TNFRSF19: variants seen among roughly 807,000 people sequenced by gnomAD.
TNFRSF19 encodes TNF receptor superfamily member 19.
A neutral mutation model predicts 46.4 loss-of-function variants in TNFRSF19; 27 were observed. The observed-to-expected ratio is 0.58, with a 90% CI of 0.43 to 0.80. The LOEUF is 0.80. TNFRSF19 is among the 30% of genes least tolerant of loss of function. TNFRSF19 has a pLI of 0.00. For synonymous variants in TNFRSF19, 204 were observed against 205.0 expected, an observed-to-expected ratio of 1.00 and a Z score of 0.04; for missense variants, 511 against 530.8, an observed-to-expected ratio of 0.96 and a Z score of 0.37.
rs1666258146 is a variant in TNFRSF19, at chr13:23,659,589, C to G, written c.610+375C>G. Among the ~76,000 whole-genome samples the G allele has an allele frequency of 6.6e-6, 1 of 152,164 alleles. No individual in the cohort carries two copies. The highest frequency in any genetic ancestry group is 1.5e-5 in the Non-Finnish European group (1 of 68,028). ...TGGCGTGACTTCAGCTCATGGCAAC[C>G]TCTGCCTCCCGGATTCAAGTGATTC... On this transcript the variant is annotated intron_variant, in intron 6 of 9. Coordinates refer to ENST00000248484, the MANE Select transcript of TNFRSF19 (RefSeq NM_148957.4). The surrounding 1 kb of genome is among the most constrained non-coding windows in gnomAD (Gnocchi z 4.9).
rs148834145 is a variant in TNFRSF19, at chr13:23,633,710, G to A, written c.445+6918G>A. Among the ~76,000 whole-genome samples the A allele has an allele frequency of 8.3e-3, 1,256 of 152,188 alleles. 15 individuals are homozygous for A. Among genetic ancestry groups the A allele is most frequent in the African/African-American group, 0.029 (1,188 of 41,530 alleles). On this transcript the variant is annotated intron_variant, in intron 5 of 9. Transcript: ENST00000248484. ...TTAAAAATACAAAAATTAGCTGCGC[G>A]TGGTGGCAGTCACCCGTAATCCCAG...
At chr13:23,587,359 A>G (rs1459924252) in intron 1 of TNFRSF19, among the ~76,000 whole-genome samples, 1 of 152,106 alleles carries the variant, frequency 6.6e-6, no homozygotes, top group African/African-American at 2.4e-5. Flanking sequence ...TCCACCAGCT[A>G]AATTGTTTAT....
chr13:23,660,213 A>G (rs549021534), intron 6 of TNFRSF19, 152 bp from the exon 7 acceptor site: 1 of 840,362 alleles, frequency 1.2e-6, no homozygotes, highest in African/African-American at 1.7e-5. Flanking sequence ...TTTCTTAACA[A>G]ATTATTTCAT....
intron 5 of TNFRSF19, among the ~76,000 whole-genome samples, chr13:23,657,652 T>C (rs1884066926): frequency 6.6e-6 from 1 of 152,218 alleles, no homozygotes; most frequent in South Asian, 2.1e-4. Context: ...ATTGGCTAAG[T>C]AAAATAGACT....
intron 3 of TNFRSF19, among the ~76,000 whole-genome samples, chr13:23,605,787 G>T (rs1371246204): frequency 5.9e-5 from 9 of 152,144 alleles, no homozygotes; most frequent in Non-Finnish European, 1.5e-5. Context: ...AAAGATCACT[G>T]GTTGCCATGG....
chr13:23,645,197 C>T (rs1217098880), intron 5 of TNFRSF19, among the ~76,000 whole-genome samples: 28 of 152,108 alleles, frequency 1.8e-4, no homozygotes. Context: ...ATAAAATATC[C>T]TGATGTAGCC....
At chr13:23,603,865 A>G (rs756977664) in intron 3 of TNFRSF19, among the ~76,000 whole-genome samples, 2 of 152,074 alleles carry the variant, frequency 1.3e-5, no homozygotes, top group Non-Finnish European at 2.9e-5. Flanking sequence ...AACAACCACA[A>G]CAAAACCAAA....
intron 7 of TNFRSF19, among the ~76,000 whole-genome samples, chr13:23,663,166 C>T (rs921406407): frequency 6.6e-6 from 1 of 152,142 alleles, no homozygotes; most frequent in African/African-American, 2.4e-5. Flanking sequence ...TCATAGATTG[C>T]TCTTATTATT....
intron 5 of TNFRSF19, among the ~76,000 whole-genome samples, chr13:23,653,011 G>A (rs543926918): frequency 5.3e-5 from 8 of 152,238 alleles, no homozygotes; most frequent in Non-Finnish European, 1.0e-4. Context: ...AAGTAAGATA[G>A]AAGTTTCTCT....
chr13:23,658,709 T>C lies in TNFRSF19; in HGVS notation c.446-341T>C, dbSNP rs143058801. ...TAGTTCCCTGCCACATGCCAAGTAC[T>C]GGGCAACCAGAGGTAAAGATGACAG... On this transcript the variant is annotated intron_variant, in intron 5 of 9. Coordinates refer to ENST00000248484, the MANE Select transcript of TNFRSF19 (RefSeq NM_148957.4). 4.2e-3 allele frequency among the ~76,000 whole-genome samples: 636 copies of C among 152,324 alleles called. 6 individuals are homozygous for C. Among genetic ancestry groups the C allele is most frequent in the African/African-American group, 0.014 (595 of 41,576 alleles).
intron 5 of TNFRSF19, among the ~76,000 whole-genome samples, chr13:23,643,874 A>G (rs1447520024): frequency 6.6e-6 from 1 of 152,218 alleles, no homozygotes; most frequent in Non-Finnish European, 1.5e-5. Flanking sequence ...TTCATCTTTT[A>G]CATTTCACTT....
chr13:23,598,389 A>T (rs1879892721), intron 3 of TNFRSF19, among the ~76,000 whole-genome samples: 1 of 152,214 alleles, frequency 6.6e-6, no homozygotes, highest in African/African-American at 2.4e-5. Context: ...TTATATATAT[A>T]TATAAACCCT....
At chr13:23,633,111 CTT>C (rs34800120) in intron 5 of TNFRSF19, among the ~76,000 whole-genome samples, 34 of 136,098 alleles carry the variant, frequency 2.5e-4, no homozygotes, top group African/African-American at 7.9e-4. Context: ...TTGTTGACGT[CTT>C]TTTTTTTTTT....
intron 2 of TNFRSF19, among the ~76,000 whole-genome samples, chr13:23,592,691 G>A (rs1191950477): frequency 1.3e-5 from 2 of 152,054 alleles, no homozygotes; most frequent in Non-Finnish European, 2.9e-5. Flanking sequence ...TCATCACCAA[G>A]GATTTTACTG....
intron 7 of TNFRSF19, 49 bp from the exon 8 acceptor site, chr13:23,667,931 A>G (rs774079275): frequency 1.4e-6 from 2 of 1,469,134 alleles, no homozygotes; most frequent in South Asian, 2.6e-5. Flanking sequence ...TTAAAGTGAA[A>G]GCTGCCAGAA....
chr13:23,581,431 C>T (rs1179723936), intron 1 of TNFRSF19, among the ~76,000 whole-genome samples: 1 of 151,506 alleles, frequency 6.6e-6, no homozygotes, highest in East Asian at 2.0e-4. Flanking sequence ...CAGGCCTGAG[C>T]CACCGCGCCC....
chr13:23,588,390 A>G (rs2138173140), intron 1 of TNFRSF19, among the ~76,000 whole-genome samples: 1 of 152,314 alleles, frequency 6.6e-6, no homozygotes, highest in African/African-American at 2.4e-5. Flanking sequence ...TTGTCTCCTT[A>G]TGGATGTGTA....
chr13:23,619,981 T>C lies in TNFRSF19; in HGVS notation c.359+3936T>C, dbSNP rs79206062. Among the ~76,000 whole-genome samples, 1,210 of 152,360 alleles carry C rather than the reference T, an allele frequency of 7.9e-3. 29 individuals are homozygous for C. Among genetic ancestry groups the C allele is most frequent in the East Asian group, 0.056 (289 of 5,188 alleles). The stretch of plus-strand genomic sequence containing the variant: ...TCTAGTTTCTACAGTGTTTGTTTAT[T>C]CTTTAGGTAAATACTTAGCTATAGG... On this transcript the variant is annotated intron_variant, in intron 4 of 9. Coordinates refer to ENST00000248484, the MANE Select transcript of TNFRSF19 (RefSeq NM_148957.4).
intron 5 of TNFRSF19, among the ~76,000 whole-genome samples, chr13:23,648,931 T>C (rs1370815202): frequency 6.6e-6 from 1 of 152,198 alleles, no homozygotes; most frequent in African/African-American, 2.4e-5. Context: ...AAATCCCACT[T>C]GGTCGTGGTG....
Sources: gnomAD v4.1 joint callset for allele counts (sites outside exome capture counted in the v4.1 genomes callset) on GRCh38, gnomAD v4.1.1 for gene constraint, Gnocchi (gnomAD v3.1) non-coding constraint, MANE v1.5 for transcripts, NCBI Gene and HGNC (gene_info 2026-07-23, HGNC 2026-07-21) for gene names.